The following PIK3CB variants were observed in gnomAD, a reference collection of about 807,000 sequenced individuals.
The protein encoded by PIK3CB is phosphatidylinositol-4,5-bisphosphate 3-kinase catalytic subunit beta.
PIK3CB carries 39 observed loss-of-function variants against 136.8 expected under a neutral mutation model. That is an observed-to-expected ratio of 0.29 (90% CI 0.22 to 0.37). PIK3CB has a LOEUF of 0.37. Among genes scored for constraint, PIK3CB ranks in the 10% least tolerant of loss-of-function variants. The pLI, the probability that PIK3CB is intolerant of heterozygous loss-of-function variation, is 1.00. For synonymous variants in PIK3CB, 428 were observed against 436.6 expected (o/e 0.98, Z 0.25); for missense variants, 868 against 1,275.4 (o/e 0.68, Z 4.87).
At chr3:138,676,006 C>A (rs1005643808) in intron 19 of PIK3CB, among the ~76,000 whole-genome samples, 1 of 152,106 alleles carries the variant, frequency 6.6e-6, no homozygotes, top group African/African-American at 2.4e-5. Context: ...TCCTACCACA[C>A]ACACTATTTA....
intron 2 of PIK3CB, among the ~76,000 whole-genome samples, chr3:138,787,734 T>TA (rs1337583376): frequency 6.7e-6 from 1 of 150,168 alleles, no homozygotes; most frequent in South Asian, 2.1e-4. Context: ...TTTTTTTTTT[T>TA]AAAGAAAGAA....
At position 138,653,226 on chromosome 3, in the gene PIK3CB, C is replaced by G; in HGVS notation, c.*2163G>C. The G allele has an allele frequency of 5.6e-6, 1 of 178,972 alleles. No homozygotes were observed. Among genetic ancestry groups the G allele is most frequent in the Non-Finnish European group, 1.2e-5 (1 of 83,456 alleles). 11.1% of individuals were successfully genotyped at this position (178,972 alleles called of 1,614,324 possible). On this transcript the variant is annotated 3_prime_UTR_variant, in exon 24 of 24. Coordinates refer to ENST00000674063, the MANE Select transcript of PIK3CB (RefSeq NM_006219.3). The stretch of plus-strand genomic sequence containing the variant: ...TTTCCATAGATTTCTATTTGTGGAA[C>G]CCAATAAATCTGAAATGTATACTGA...
At chr3:138,755,653 T>C (rs2045551957) in intron 4 of PIK3CB, 101 bp downstream of exon 4, 5 of 600,820 alleles carry the variant, frequency 8.3e-6, no homozygotes, top group Non-Finnish European at 1.4e-5. Flanking sequence ...CAGTGGTCCA[T>C]GGACCACACT....
At chr3:138,658,903 C>A (rs1040987501) in intron 21 of PIK3CB, among the ~76,000 whole-genome samples, 7 of 152,224 alleles carry the variant, frequency 4.6e-5, no homozygotes, top group Non-Finnish European at 8.8e-5. Flanking sequence ...GTTTTCCAGA[C>A]AGTCAGGTAA....
At chr3:138,780,493 T>A (rs1363871946) in intron 2 of PIK3CB, among the ~76,000 whole-genome samples, 1 of 151,940 alleles carries the variant, frequency 6.6e-6, no homozygotes, top group Non-Finnish European at 1.5e-5. Flanking sequence ...ATGGTTTCGA[T>A]CTCTTGACCT....
At chr3:138,785,105 C>G (rs1383443864) in intron 2 of PIK3CB, among the ~76,000 whole-genome samples, 1 of 150,232 alleles carries the variant, frequency 6.7e-6, no homozygotes, top group Non-Finnish European at 1.5e-5. Context: ...AGGTGGGGGG[C>G]AGCCCCCGCT....
At chr3:138,757,644 AGGAGAG>A (rs1210103723) in intron 3 of PIK3CB, among the ~76,000 whole-genome samples, 1 of 127,866 alleles carries the variant, frequency 7.8e-6, no homozygotes, top group Admixed American at 8.6e-5. Flanking sequence ...AGGGGAAGGG[AGGAGAG>A]GGAGAGGAAG....
intron 2 of PIK3CB, among the ~76,000 whole-genome samples, chr3:138,794,271 G>GT (rs1207536514): frequency 6.6e-6 from 1 of 152,088 alleles, no homozygotes; most frequent in Non-Finnish European, 1.5e-5. Context: ...CATCTTGTGA[G>GT]TTTTTAAGCA....
At chr3:138,751,457 C>T (rs913899824) in intron 4 of PIK3CB, among the ~76,000 whole-genome samples, 7 of 125,270 alleles carry the variant, frequency 5.6e-5, no homozygotes, top group African/African-American at 2.0e-4. Context: ...GACTCCATCT[C>T]AAAAAAAAAA....
intron 8 of PIK3CB, among the ~76,000 whole-genome samples, chr3:138,731,599 T>C (rs550330474): frequency 2.6e-5 from 4 of 152,128 alleles, no homozygotes; most frequent in Middle Eastern, 3.4e-3. Context: ...TGTTATACTT[T>C]TGCAATTAAA....
intron 19 of PIK3CB, among the ~76,000 whole-genome samples, chr3:138,676,581 A>G (rs1278586454): frequency 6.6e-6 from 1 of 152,216 alleles, no homozygotes; most frequent in Non-Finnish European, 1.5e-5. Context: ...TTGTAATAGC[A>G]AAATAGTGAA....
At chr3:138,671,225 C>T (rs564857385) in intron 19 of PIK3CB, among the ~76,000 whole-genome samples, 66 of 152,166 alleles carry the variant, frequency 4.3e-4, no homozygotes, top group Admixed American at 3.1e-3. Flanking sequence ...TAAGCCTATA[C>T]GATATTACTT....
intron 2 of PIK3CB, among the ~76,000 whole-genome samples, chr3:138,779,229 G>T (rs1348210350): frequency 6.6e-6 from 1 of 151,672 alleles, no homozygotes; most frequent in East Asian, 1.9e-4. Flanking sequence ...GAGACTACAG[G>T]TACCCACCAC....
At chr3:138,812,251 T>TC (rs1272378399) in intron 1 of PIK3CB, among the ~76,000 whole-genome samples, 2 of 151,386 alleles carry the variant, frequency 1.3e-5, no homozygotes, top group Non-Finnish European at 2.9e-5. Flanking sequence ...TTTTTTTTTT[T>TC]TGGGGGGACA....
At position 138,701,557 on chromosome 3, in the gene PIK3CB, C is replaced by T. The variant is rs140668330; in HGVS notation, c.1582-2462G>A. Among the ~76,000 whole-genome samples, 677 of 152,052 alleles carry T rather than the reference C, an allele frequency of 4.5e-3. 7 individuals are homozygous for T. The highest frequency in any genetic ancestry group is 0.044 in the Middle Eastern group (13 of 294). Reference sequence around the variant, plus strand: ...ATCCCAGCACTTTGGGAGGCCGAGACGGGCAGATCACGGGGTCAAGAGATC... The same window carrying T: ...ATCCCAGCACTTTGGGAGGCCGAGATGGGCAGATCACGGGGTCAAGAGATC... On this transcript the variant is annotated intron_variant, in intron 12 of 23. Transcript: ENST00000674063.
chr3:138,802,292 A>T (rs1336296894), intron 1 of PIK3CB, among the ~76,000 whole-genome samples: 2 of 151,314 alleles, frequency 1.3e-5, no homozygotes, highest in Admixed American at 1.3e-4. Flanking sequence ...AGGCAGAAGA[A>T]CTGCTTGAAC....
In PIK3CB at chr3:138,779,579, C is replaced by T. The variant is rs148356938; in HGVS notation, c.-17+16884G>A. Among the ~76,000 whole-genome samples the T allele has an allele frequency of 5.2e-3, 786 of 150,106 alleles. 6 individuals carry two copies. The highest frequency in any genetic ancestry group is 0.014 in the African/African-American group (588 of 40,878). ...GCTAATTTTTTGTATTTTTGGTAGACGTGGGGTTTTGCCATGTTGCCCAGG... is the reference window on the plus strand; with the variant it reads ...GCTAATTTTTTGTATTTTTGGTAGATGTGGGGTTTTGCCATGTTGCCCAGG... On this transcript the variant is annotated intron_variant, in intron 2 of 23. Transcript: ENST00000674063.
At chr3:138,723,252 T>C (rs1313727630) in intron 8 of PIK3CB, among the ~76,000 whole-genome samples, 1 of 152,198 alleles carries the variant, frequency 6.6e-6, no homozygotes, top group African/African-American at 2.4e-5. Context: ...GTATAATTTA[T>C]TTAAAGTATG....
intron 4 of PIK3CB, among the ~76,000 whole-genome samples, chr3:138,743,347 C>T (rs2045282618): frequency 2.0e-5 from 3 of 152,146 alleles, no homozygotes; most frequent in Non-Finnish European, 4.4e-5. Context: ...TTTAAAAAAA[C>T]AAAAACAAAC....
Sources: allele counts gnomAD v4.1 joint callset (sites outside exome capture counted in the v4.1 genomes callset), GRCh38; gene constraint gnomAD v4.1.1; transcripts MANE v1.5; gene names NCBI Gene and HGNC (gene_info 2026-07-23, HGNC 2026-07-21).